The following CMSS1 variants were observed in gnomAD, a reference collection of about 807,000 sequenced individuals.
CMSS1 encodes cms1 ribosomal small subunit homolog, also known as protein CMSS1.
A neutral mutation model predicts 43.5 loss-of-function variants in CMSS1; 33 were observed. The observed-to-expected ratio is 0.76, with a 90% CI of 0.57 to 1.01. The LOEUF (loss-of-function observed/expected upper bound fraction) is 1.01. CMSS1 is among the 50% of genes least tolerant of loss of function. CMSS1 has a pLI of 0.00. For missense variants in CMSS1, 313 were observed against 326.4 expected (o/e 0.96, Z 0.32); for synonymous variants, 115 against 117.2 (o/e 0.98, Z 0.12).
chr3:100,150,189 G>A (rs1290251759), intron 2 of CMSS1, among the ~76,000 whole-genome samples: 3 of 152,212 alleles, frequency 2.0e-5, no homozygotes, highest in East Asian at 3.9e-4. Context: ...TTGTTTACAC[G>A]CATAGAACTT....
intron 1 of CMSS1, among the ~76,000 whole-genome samples, chr3:99,842,504 C>CA (rs10935983): frequency 3.6e-4 from 47 of 131,500 alleles, no homozygotes; most frequent in South Asian, 1.2e-3. Context: ...TAAAACAGGC[C>CA]AAAAAAAAAA....
intron 1 of CMSS1, among the ~76,000 whole-genome samples, chr3:99,897,929 C>T (rs768156125): frequency 1.2e-4 from 18 of 152,144 alleles, no homozygotes; most frequent in Admixed American, 2.0e-4. Context: ...CCATGTTTCT[C>T]GTCACCATGA....
chr3:99,936,135 A>G (rs890395358), intron 1 of CMSS1, among the ~76,000 whole-genome samples: 2 of 152,094 alleles, frequency 1.3e-5, no homozygotes, highest in African/African-American at 2.4e-5. Context: ...ACTAGAGGAT[A>G]TTTTTGCTTG....
intron 1 of CMSS1, among the ~76,000 whole-genome samples, chr3:100,096,395 TGTG>T (rs1193364066): frequency 6.6e-6 from 1 of 152,146 alleles, no homozygotes; most frequent in African/African-American, 2.4e-5. Context: ...ATAAAGAAAA[TGTG>T]GTACTTAAAC....
intron 1 of CMSS1, among the ~76,000 whole-genome samples, chr3:99,875,247 G>A (rs1026393167): frequency 2.0e-5 from 3 of 152,150 alleles, no homozygotes; most frequent in African/African-American, 7.2e-5. Flanking sequence ...TTATCATACT[G>A]TAAGAGTTCA....
At chr3:100,010,916 C>T (rs926862963) in intron 1 of CMSS1, among the ~76,000 whole-genome samples, 5 of 151,570 alleles carry the variant, frequency 3.3e-5, no homozygotes, top group South Asian at 2.1e-4. Context: ...TGTGAGCCAC[C>T]GCGCCCAGCT....
intron 1 of CMSS1, among the ~76,000 whole-genome samples, chr3:99,890,408 G>C (rs1349661319): frequency 1.3e-5 from 2 of 152,016 alleles, no homozygotes; most frequent in Non-Finnish European, 2.9e-5. Context: ...TTCAGTTCTA[G>C]AAAATTCTTA....
intron 1 of CMSS1, among the ~76,000 whole-genome samples, chr3:99,881,434 T>C (rs757657033): frequency 3.3e-5 from 5 of 152,112 alleles, no homozygotes; most frequent in Non-Finnish European, 7.4e-5. Flanking sequence ...ACCTATTAGG[T>C]CATCTTCCCT....
intron 1 of CMSS1, among the ~76,000 whole-genome samples, chr3:100,133,453 T>G (rs1413719053): frequency 6.6e-6 from 1 of 151,214 alleles, no homozygotes; most frequent in Non-Finnish European, 1.5e-5. Flanking sequence ...TGGAACCAAA[T>G]TTTTTTGGTT....
rs766653679 is a variant in CMSS1 at position 99,983,831 on chromosome 3, G to GCAAA, written c.65-163142_65-163141insCAAA. 2.1e-4 allele frequency among the ~76,000 whole-genome samples: 32 copies of GCAAA among 151,970 alleles called. 1 individual carries two copies. Among genetic ancestry groups the GCAAA allele is most frequent in the South Asian group, 4.2e-4 (2 of 4,810 alleles). The stretch of plus-strand genomic sequence containing the variant: ...TCAGAGGATGAAAGCAAAGGAGAAT[G>GCAAA]GACCATCTGATGAAATAAACTTATA... On this transcript the variant is annotated intron_variant, in intron 1 of 9. Transcript: ENST00000421999.
rs148046915 is a variant in CMSS1, at chr3:99,972,070, C to T, written c.64+154027C>T. 2.0e-4 allele frequency among the ~76,000 whole-genome samples: 30 copies of T among 152,142 alleles called. 1 individual carries two copies. The East Asian group carries it at 5.0e-3, about 26-fold the overall frequency. On this transcript the variant is annotated intron_variant, in intron 1 of 9. Transcript: ENST00000421999. ...GACTAAGCAGTTAAGTGAATCAGTA[C>T]GAATATTATTGAGAGGAACCTGGTT...
rs140869574 is a variant in CMSS1, at chr3:99,904,900, C to T, written c.64+86857C>T. ...TGAAGGAGTATTATTACACTCTTTA[C>T]GTCTACATCCTCACCACCTTCTTTG... On this transcript the variant is annotated intron_variant, in intron 1 of 9. Transcript: ENST00000421999. Among the ~76,000 whole-genome samples the T allele has an allele frequency of 4.5e-3, 689 of 152,288 alleles. 7 individuals carry two copies. Among genetic ancestry groups the T allele is most frequent in the African/African-American group, 0.016 (675 of 41,548 alleles).
At chr3:99,828,542 C>G (rs1016329512) in intron 1 of CMSS1, among the ~76,000 whole-genome samples, 1 of 149,348 alleles carries the variant, frequency 6.7e-6, no homozygotes. Flanking sequence ...CCTCGGACTT[C>G]TGGGCTCAAA....
At chr3:99,956,783 C>T (rs1293503443) in intron 1 of CMSS1, among the ~76,000 whole-genome samples, 4 of 152,174 alleles carry the variant, frequency 2.6e-5, no homozygotes, top group African/African-American at 4.8e-5. Flanking sequence ...CCAGTGGTCC[C>T]ACTTTCTAAT....
At chr3:100,062,529 A>G (rs1332877424) in intron 1 of CMSS1, among the ~76,000 whole-genome samples, 1 of 152,080 alleles carries the variant, frequency 6.6e-6, no homozygotes, top group Admixed American at 6.6e-5. Flanking sequence ...GGGGTCAGTC[A>G]CACCAACCTC....
intron 1 of CMSS1, among the ~76,000 whole-genome samples, chr3:100,100,244 A>G (rs1033800820): frequency 1.3e-5 from 2 of 152,134 alleles, no homozygotes; most frequent in African/African-American, 2.4e-5. Context: ...ATCCTGAGGA[A>G]AGGGTTGGAC....
At chr3:100,116,197 TTAA>T (rs1270511966) in intron 1 of CMSS1, among the ~76,000 whole-genome samples, 1 of 152,216 alleles carries the variant, frequency 6.6e-6, no homozygotes, top group Non-Finnish European at 1.5e-5. Context: ...CCTTTTGCAG[TTAA>T]TAAATATTTT....
chr3:99,889,101 G>A (rs1706002928), intron 1 of CMSS1, among the ~76,000 whole-genome samples: 2 of 152,176 alleles, frequency 1.3e-5, no homozygotes, highest in East Asian at 3.9e-4. Context: ...AAACTTAACA[G>A]TTTTCTGTAT....
At chr3:99,833,027 T>A in intron 1 of CMSS1, 1 of 557,516 alleles carries the variant, frequency 1.8e-6, no homozygotes, top group Non-Finnish European at 3.2e-6. Flanking sequence ...GAGAAATACA[T>A]GCATATGGCT....
Sources: allele counts gnomAD v4.1 joint callset (sites outside exome capture counted in the v4.1 genomes callset), GRCh38; gene constraint gnomAD v4.1.1; transcripts MANE v1.5; gene names NCBI Gene and HGNC (gene_info 2026-07-23, HGNC 2026-07-21).